Variants in CACNG4 observed in about 807,000 individuals in gnomAD.
The protein encoded by CACNG4 is calcium voltage-gated channel auxiliary subunit gamma 4, also known as voltage-dependent calcium channel gamma-4 subunit.
A neutral mutation model predicts 22.9 loss-of-function variants in CACNG4; 8 were observed. That is an observed-to-expected ratio of 0.35 (90% confidence interval 0.21 to 0.63). The LOEUF is 0.63. Among genes scored for constraint, CACNG4 ranks in the 30% least tolerant of loss-of-function variants. CACNG4 has a pLI of 0.72. For synonymous variants in CACNG4, 188 were observed against 191.9 expected (o/e 0.98, Z 0.17); for missense variants, 357 against 455.4 (o/e 0.78, Z 1.97).
chr17:66,995,220 GGTGTCTCTGGCTTCT>G (rs1458560971), intron 1 of CACNG4, among the ~76,000 whole-genome samples: 1 of 152,150 alleles, frequency 6.6e-6, no homozygotes, highest in Non-Finnish European at 1.5e-5. Flanking sequence ...TCTGGAAATG[GGTGTCTCTGGCTTCT>G]GTCCATTGAG....
chr17:66,965,810 C>T (rs1031834453), intron 1 of CACNG4, among the ~76,000 whole-genome samples: 1 of 152,050 alleles, frequency 6.6e-6, no homozygotes, highest in African/African-American at 2.4e-5. Context: ...ACGCCCGCCT[C>T]GTCTCCCACG....
chr17:66,994,058 C>T (rs990169191), intron 1 of CACNG4, among the ~76,000 whole-genome samples: 8 of 151,800 alleles, frequency 5.3e-5, no homozygotes, highest in Middle Eastern at 3.4e-3. Context: ...ACCAGAGGTG[C>T]GGTGGCTCAC....
At chr17:66,981,449 T>A (rs1598104947) in intron 1 of CACNG4, among the ~76,000 whole-genome samples, 1 of 152,084 alleles carries the variant, frequency 6.6e-6, no homozygotes, top group African/African-American at 2.4e-5. Context: ...GGTCTACCCA[T>A]CTCTGGAGGA....
At chr17:66,970,872 A>G (rs935297121) in intron 1 of CACNG4, among the ~76,000 whole-genome samples, 3 of 152,230 alleles carry the variant, frequency 2.0e-5, no homozygotes, top group Non-Finnish European at 4.4e-5. Context: ...AGGCCCTTCA[A>G]AAAGTCTCAG....
At chr17:67,013,013 G>A (rs2035477105) in intron 1 of CACNG4, among the ~76,000 whole-genome samples, 1 of 152,190 alleles carries the variant, frequency 6.6e-6, no homozygotes, top group South Asian at 2.1e-4. Context: ...CCTTAATGAC[G>A]ATGGCCTCAG....
intron 2 of CACNG4, 127 bp downstream of exon 2, chr17:67,018,399 T>C (rs77672933): frequency 0.01 from 6,932 of 687,580 alleles, 295 homozygotes; most frequent in African/African-American, 0.1. Context: ...CTCACTGTCT[T>C]ACTTATTCAG....
At chr17:67,023,270 C>CTTTTTTTTT (rs3043068) in intron 2 of CACNG4, among the ~76,000 whole-genome samples, 1 of 79,784 alleles carries the variant, frequency 1.3e-5, no homozygotes, top group Non-Finnish European at 2.2e-5. Context: ...AAGACCTCTT[C>CTTTTTTTTT]TTTTTTTTTT....
intron 1 of CACNG4, among the ~76,000 whole-genome samples, chr17:67,016,109 AC>A (rs1423802579): frequency 6.6e-6 from 1 of 151,588 alleles, no homozygotes; most frequent in Non-Finnish European, 1.5e-5. Flanking sequence ...AACAGCAGCA[AC>A]CCCCCAACTC....
Position 67,031,369 on chromosome 17 carries a change from G to A in CACNG4, c.*365G>A, listed in dbSNP as rs764167065. 16 of 477,314 alleles carry A rather than the reference G, an allele frequency of 3.4e-5. No individual in the cohort carries two copies. The highest frequency in any genetic ancestry group is 1.2e-4 in the South Asian group (8 of 64,734). The allele number at this position is 477,314 out of a possible 1,614,324, so 29.6% of individuals were successfully genotyped here. Reference sequence around the variant, plus strand: ...TGGAAACGAATCTTGCCAGAAAAACGGGATTTCAGGGCCTTCCCTCCCTGC... The same window carrying A: ...TGGAAACGAATCTTGCCAGAAAAACAGGATTTCAGGGCCTTCCCTCCCTGC... On this transcript the variant is annotated 3_prime_UTR_variant, in exon 4 of 4. Transcript: ENST00000262138. This position sits in a 1 kb window ranked among gnomAD's most constrained non-coding sequence, Gnocchi z 4.0.
intron 1 of CACNG4, among the ~76,000 whole-genome samples, chr17:66,998,645 G>C (rs563860935): frequency 7.9e-4 from 121 of 152,304 alleles, no homozygotes; most frequent in Non-Finnish European, 2.5e-4. Flanking sequence ...CAGGCAGGCA[G>C]CTCCTTGTCA....
intron 1 of CACNG4, among the ~76,000 whole-genome samples, chr17:66,976,059 C>T (rs1181866667): frequency 6.6e-6 from 1 of 152,172 alleles, no homozygotes; most frequent in Non-Finnish European, 1.5e-5. Context: ...GTGACTGACC[C>T]TCGCATCTCC....
chr17:67,031,638 C>T lies in CACNG4; in HGVS notation c.*634C>T, dbSNP rs1270764535. 7 of 456,786 alleles carry T rather than the reference C, an allele frequency of 1.5e-5. No homozygotes were observed. The highest frequency in any genetic ancestry group is 7.7e-5 in the South Asian group (5 of 64,570). 28.3% of individuals were successfully genotyped at this position (456,786 alleles called of 1,614,324 possible). A position where few individuals can be genotyped will look rare whatever the true frequency, so the allele number is the denominator to read the frequency against. ...GCGCTGTCCCGGGGCCAGCTTCCCT[C>T]GACCTGGGGAGGCCGTGGCCTGTGG... On this transcript the variant is annotated 3_prime_UTR_variant, in exon 4 of 4. Transcript: ENST00000262138. The surrounding 1 kb of genome is among the most constrained non-coding windows in gnomAD (Gnocchi z 4.0).
At chr17:66,975,360 A>G (rs1183518941) in intron 1 of CACNG4, among the ~76,000 whole-genome samples, 1 of 152,126 alleles carries the variant, frequency 6.6e-6, no homozygotes, top group Non-Finnish European at 1.5e-5. Flanking sequence ...GACGGTCAGC[A>G]TTGAAGCCAC....
At chr17:66,973,271 T>C (rs1020138454) in intron 1 of CACNG4, among the ~76,000 whole-genome samples, 8 of 148,592 alleles carry the variant, frequency 5.4e-5, no homozygotes, top group African/African-American at 2.0e-4. Context: ...ACATGTAACA[T>C]AAGTGGGGGA....
chr17:66,982,041 G>A (rs183402300), intron 1 of CACNG4, among the ~76,000 whole-genome samples: 64 of 152,272 alleles, frequency 4.2e-4, no homozygotes, highest in Admixed American at 1.8e-3. Flanking sequence ...AGGTTTATGG[G>A]CTCGCTGACC....
chr17:67,018,875 G>T (rs557950438), intron 2 of CACNG4, among the ~76,000 whole-genome samples: 1 of 152,086 alleles, frequency 6.6e-6, no homozygotes, highest in Non-Finnish European at 1.5e-5. Context: ...ACCTGCTCCT[G>T]GGTCCAGTGA....
chr17:66,981,857 A>T (rs1210096857), intron 1 of CACNG4, among the ~76,000 whole-genome samples: 1 of 152,228 alleles, frequency 6.6e-6, no homozygotes, highest in Non-Finnish European at 1.5e-5. Context: ...TAACAGCTAT[A>T]ATTTCACACT....
rs1331095553 is a variant in CACNG4, at chr17:67,011,365, T to G, written c.221-6824T>G. Among the ~76,000 whole-genome samples, 4 of 152,184 alleles carry G rather than the reference T, an allele frequency of 2.6e-5. No homozygotes were observed. The East Asian group carries it at 7.7e-4, about 29-fold the overall frequency. On this transcript the variant is annotated intron_variant, in intron 1 of 3. Transcript: ENST00000262138. ...CCTGGAAGTGGACTCCACACCTTCA[T>G]CATCTCAGCTTTGAGCTCAGCCACA...
intron 2 of CACNG4, among the ~76,000 whole-genome samples, chr17:67,022,634 GC>G (rs1490948885): frequency 6.6e-6 from 1 of 152,260 alleles, no homozygotes; most frequent in Non-Finnish European, 1.5e-5. Flanking sequence ...CAGAGGAGAG[GC>G]TGACAGCCCT....
Sources: allele counts gnomAD v4.1 joint callset (sites outside exome capture counted in the v4.1 genomes callset), GRCh38; gene constraint gnomAD v4.1.1; non-coding constraint Gnocchi (gnomAD v3.1); transcripts MANE v1.5; gene names NCBI Gene and HGNC (gene_info 2026-07-23, HGNC 2026-07-21).